The following CNNM1 variants were observed in gnomAD, a reference collection of about 807,000 sequenced individuals.
CNNM1 encodes metal transporter CNNM1.
In CNNM1, 44 loss-of-function variants were observed where a neutral mutation model predicts 78.8. That is an observed-to-expected ratio of 0.56 (90% CI 0.44 to 0.72). The LOEUF is 0.72. Among genes scored for constraint, CNNM1 ranks in the 30% least tolerant of loss-of-function variants. The probability of loss-of-function intolerance (pLI) is 0.00; values close to 1 mark genes in which losing one functional copy is unlikely to be tolerated. For missense variants in CNNM1, 1,101 were observed against 1,292.2 expected, an observed-to-expected ratio of 0.85 and a Z score of 2.27; for synonymous variants, 584 against 581.5, an observed-to-expected ratio of 1.00 and a Z score of -0.06.
chr10:99,388,048 A>G, intron 8 of CNNM1, 45 bp downstream of exon 8: 2 of 1,576,464 alleles, frequency 1.3e-6, no homozygotes, highest in Non-Finnish European at 1.7e-6. Context: ...GTGTGGGGTG[A>G]GGATGACCCT....
At chr10:99,378,032 C>T (rs1316096579) in intron 7 of CNNM1, among the ~76,000 whole-genome samples, 4 of 146,318 alleles carry the variant, frequency 2.7e-5, no homozygotes, top group East Asian at 2.0e-4. Context: ...GGCGTGATCT[C>T]GGCTCACTGC....
At chr10:99,359,690 G>T (rs74154507) in intron 2 of CNNM1, among the ~76,000 whole-genome samples, 6,144 of 152,112 alleles carry the variant, frequency 0.04, 423 homozygotes, top group African/African-American at 0.14. Flanking sequence ...CCGGATTCTG[G>T]GGCCTTATTT....
At position 99,330,874 on chromosome 10, in the gene CNNM1, T is replaced by C. The variant is rs1244260250; in HGVS notation, c.1487T>C (p.Leu496Pro). 4 of 1,614,182 alleles carry C rather than the reference T, an allele frequency of 2.5e-6. No individual in the cohort carries two copies. The Admixed American group carries it at 5.0e-5, about 20-fold the overall frequency. The change falls in exon 1 of 11, where the codon CTC becomes CCC. Residue 496 changes from leucine (L) to proline (P), a missense_variant. Leu to Pro is a moderately conservative substitution (Grantham distance 98). This residue lies in a region of CNNM1 where 277 missense variants were observed against 423.2 expected (regional missense o/e 0.65). Transcript: ENST00000356713. ...FVDPDDCTPL[L>P]TVTRFYNRPL... is the part of the protein sequence containing the mutation. Reference sequence around the variant, plus strand: ...GACCCCGACGACTGCACCCCGCTCCTCACTGTCACCCGCTTCTACAACCGG... The same window carrying C: ...GACCCCGACGACTGCACCCCGCTCCCCACTGTCACCCGCTTCTACAACCGG...
intron 6 of CNNM1, chr10:99,368,757 C>G: frequency 9.5e-7 from 1 of 1,050,454 alleles, no homozygotes; most frequent in Non-Finnish European, 1.3e-6. Flanking sequence ...TGTCACTTTC[C>G]TGCATGAGAA....
chr10:99,384,142 T>C (rs1423297445), intron 7 of CNNM1, among the ~76,000 whole-genome samples: 1 of 152,168 alleles, frequency 6.6e-6, no homozygotes, highest in African/African-American at 2.4e-5. Context: ...ACGTTACATT[T>C]CTCTTCAACA....
At chr10:99,349,492 G>A (rs975183888) in intron 1 of CNNM1, among the ~76,000 whole-genome samples, 3 of 152,150 alleles carry the variant, frequency 2.0e-5, no homozygotes, top group Non-Finnish European at 4.4e-5. Flanking sequence ...CAGGATTTCT[G>A]ATACCCAAGT....
At chr10:99,365,888 A>G (rs904991171) in intron 6 of CNNM1, among the ~76,000 whole-genome samples, 3 of 152,206 alleles carry the variant, frequency 2.0e-5, no homozygotes, top group African/African-American at 7.2e-5. Context: ...ATGGCAAGGT[A>G]GATACCATTT....
Position 99,329,705 on chromosome 10 carries a change from C to T in CNNM1, c.318C>T (p.Leu106=), listed in dbSNP as rs1180817197. 1.4e-5 allele frequency: 21 copies of T among 1,542,030 alleles called. No individual in the cohort carries two copies. Among genetic ancestry groups the T allele is most frequent in the Non-Finnish European group, 1.6e-5 (19 of 1,155,610 alleles). Residue 106 remains leucine (L), a synonymous_variant, in exon 1 of 11, where the codon CTC becomes CTT. Coordinates refer to ENST00000356713, the MANE Select transcript of CNNM1 (RefSeq NM_020348.3). ...GCACCGGCGACTGGGCTCCGCGGCT[C>T]GTGTTCATCGAGGAGCCCCCGGGCG... ...ENGTGDWAPR[L]VFIEEPPGGG...
intron 1 of CNNM1, among the ~76,000 whole-genome samples, chr10:99,331,724 C>CCG (rs2029925148): frequency 6.6e-6 from 1 of 151,454 alleles, no homozygotes; most frequent in Non-Finnish European, 1.5e-5. Flanking sequence ...TGTCTTTGCC[C>CCG]GGGGGGGAGG....
chr10:99,368,290 G>A (rs997614508), intron 6 of CNNM1: 4 of 253,512 alleles, frequency 1.6e-5, no homozygotes, highest in African/African-American at 8.9e-5. Context: ...ATGTTTGCTG[G>A]CTCAAAATGG....
intron 1 of CNNM1, among the ~76,000 whole-genome samples, chr10:99,336,854 G>A (rs554595547): frequency 1.5e-4 from 23 of 152,244 alleles, no homozygotes; most frequent in African/African-American, 5.3e-4. Flanking sequence ...TGTAATTCCA[G>A]TTACTCAGGA....
chr10:99,331,190 C>T (rs763955010), intron 1 of CNNM1, among the ~76,000 whole-genome samples: 8 of 152,274 alleles, frequency 5.3e-5, no homozygotes, highest in Non-Finnish European at 7.4e-5. Flanking sequence ...TCACAAGATG[C>T]ACCATATTCC....
At chr10:99,377,658 G>C (rs550152544) in intron 7 of CNNM1, among the ~76,000 whole-genome samples, 2 of 152,134 alleles carry the variant, frequency 1.3e-5, no homozygotes, top group Non-Finnish European at 1.5e-5. Flanking sequence ...CCTGTCTGTT[G>C]GTTAAAAAGA....
At chr10:99,351,595 G>A (rs140943367) in intron 1 of CNNM1, among the ~76,000 whole-genome samples, 61 of 152,188 alleles carry the variant, frequency 4.0e-4, no homozygotes, top group Middle Eastern at 3.4e-3. Flanking sequence ...TGTGAACCAG[G>A]CCAACAGCTC....
In CNNM1 at chr10:99,360,994, C is replaced by T. The variant is rs2031413230; in HGVS notation, c.1858+19C>T. 3.2e-6 allele frequency: 5 copies of T among 1,583,898 alleles called. No homozygotes were observed. In the African/African-American group the frequency reaches 5.4e-5, roughly 17 times the overall value. On this transcript the variant is annotated intron_variant, in intron 3 of 10. Coordinates refer to ENST00000356713, the MANE Select transcript of CNNM1 (RefSeq NM_020348.3). ...GCCACAGGTAGGACAAGTCTCCACT[C>T]CAGAGAAGCTAAAACAGAATCTCTA...
In CNNM1 at chr10:99,351,586, G is replaced by A. The variant is rs147290546; in HGVS notation, c.1574-5926G>A. Among the ~76,000 whole-genome samples, 259 of 152,252 alleles carry A rather than the reference G, an allele frequency of 1.7e-3. 2 individuals carry two copies. The highest frequency in any genetic ancestry group is 6.1e-3 in the African/African-American group (253 of 41,534). Reference sequence around the variant, plus strand: ...AGAGTTGATGAGGTTTCTGAAAGATGTGAACCAGGCCAACAGCTCTTTGTT... The same window carrying A: ...AGAGTTGATGAGGTTTCTGAAAGATATGAACCAGGCCAACAGCTCTTTGTT... On this transcript the variant is annotated intron_variant, in intron 1 of 10. Transcript: ENST00000356713.
chr10:99,337,520 A>G (rs780147926), intron 1 of CNNM1, among the ~76,000 whole-genome samples: 3 of 152,232 alleles, frequency 2.0e-5, no homozygotes, highest in Non-Finnish European at 4.4e-5. Context: ...ATTCATTGCC[A>G]GCTCTTTGAC....
At chr10:99,370,991 G>A (rs1349063337) in intron 6 of CNNM1, among the ~76,000 whole-genome samples, 1 of 152,180 alleles carries the variant, frequency 6.6e-6, no homozygotes, top group Non-Finnish European at 1.5e-5. Flanking sequence ...AGTCAGTGTT[G>A]TATGTGTATT....
At chr10:99,361,995 A>T (rs1208829926) in intron 3 of CNNM1, among the ~76,000 whole-genome samples, 2 of 152,356 alleles carry the variant, frequency 1.3e-5, no homozygotes, top group Admixed American at 6.5e-5. Flanking sequence ...TTCTCCTGAG[A>T]TGCCAGTGCA....
Sources: allele counts gnomAD v4.1 joint callset (sites outside exome capture counted in the v4.1 genomes callset), GRCh38; gene constraint gnomAD v4.1.1; regional missense constraint gnomAD v4.1.1; transcripts MANE v1.5; gene names NCBI Gene and HGNC (gene_info 2026-07-23, HGNC 2026-07-21).